The following FAF1 variants were observed in gnomAD, a reference collection of about 807,000 sequenced individuals.
FAF1 encodes the protein FAS-associated factor 1.
In FAF1, 25 loss-of-function variants were observed where a neutral mutation model predicts 92.5. The ratio of observed to expected loss-of-function variants is 0.27; its 90% CI spans 0.20 to 0.38. The LOEUF (loss-of-function observed/expected upper bound fraction) is 0.38, where lower values mean the gene tolerates loss of function less well. Among genes scored for constraint, FAF1 ranks in the 10% least tolerant of loss-of-function variants. The pLI is 1.00. For synonymous variants in FAF1, 234 were observed against 273.2 expected (o/e 0.86, Z 1.42); for missense variants, 636 against 793.3 (o/e 0.80, Z 2.38).
chr1:50,756,021 A>C (rs1194562861), intron 4 of FAF1, among the ~76,000 whole-genome samples: 5 of 152,122 alleles, frequency 3.3e-5, no homozygotes, highest in Non-Finnish European at 7.4e-5. Flanking sequence ...CGCCCTGGAG[A>C]CATTTTCCCC....
intron 8 of FAF1, among the ~76,000 whole-genome samples, chr1:50,654,494 T>G (rs182630433): frequency 6.6e-6 from 1 of 151,976 alleles, no homozygotes; most frequent in Non-Finnish European, 1.5e-5. Flanking sequence ...CAGCAATGAG[T>G]GGAAATGACA....
At chr1:50,780,700 T>A (rs190228752) in intron 4 of FAF1, 1 of 270,410 alleles carries the variant, frequency 3.7e-6, no homozygotes, top group East Asian at 1.1e-4. Flanking sequence ...CTGCCACCTA[T>A]CATCACAGAA....
At chr1:50,596,527 T>C (rs1469956207) in intron 8 of FAF1, among the ~76,000 whole-genome samples, 1 of 152,178 alleles carries the variant, frequency 6.6e-6, no homozygotes, top group Non-Finnish European at 1.5e-5. Context: ...TCTGCTACTT[T>C]TCTGATTAGC....
At chr1:50,913,785 A>C (rs531943912) in intron 1 of FAF1, among the ~76,000 whole-genome samples, 130 of 152,312 alleles carry the variant, frequency 8.5e-4, no homozygotes, top group African/African-American at 3.1e-3. Context: ...TGATGGATGA[A>C]TATCCAAACA....
At chr1:50,441,965 C>G (rs1343172861) in intron 18 of FAF1, among the ~76,000 whole-genome samples, 1 of 151,756 alleles carries the variant, frequency 6.6e-6, no homozygotes, top group African/African-American at 2.4e-5. Flanking sequence ...AATGGCCATT[C>G]CACCATGCCC....
At chr1:50,457,437 T>C (rs1467619308) in intron 18 of FAF1, among the ~76,000 whole-genome samples, 6 of 152,214 alleles carry the variant, frequency 3.9e-5, no homozygotes, top group African/African-American at 7.2e-5. Flanking sequence ...CATACACATT[T>C]GCAGTTGTTT....
intron 6 of FAF1, among the ~76,000 whole-genome samples, chr1:50,722,618 C>T (rs139442663): frequency 0.031 from 4,528 of 146,280 alleles, 246 homozygotes; most frequent in African/African-American, 0.11. Flanking sequence ...CACTGCACTC[C>T]AGCCTGGGCG....
chr1:50,885,324 A>ACACACACACACACACACACACACT (rs1644651416), intron 1 of FAF1, among the ~76,000 whole-genome samples: 81 of 102,224 alleles, frequency 7.9e-4, no homozygotes, highest in African/African-American at 2.8e-3. Flanking sequence ...ACACACACAC[A>ACACACACACACACACACACACACT]CTCTCTCTCT....
chr1:50,699,451 T>C (rs184158376), intron 7 of FAF1, among the ~76,000 whole-genome samples: 46 of 152,214 alleles, frequency 3.0e-4, no homozygotes, highest in African/African-American at 1.1e-3. Flanking sequence ...TTATTAATTA[T>C]ACAACTGCAA....
At chr1:50,608,005 G>A (rs1221693615) in intron 8 of FAF1, among the ~76,000 whole-genome samples, 1 of 152,234 alleles carries the variant, frequency 6.6e-6, no homozygotes, top group African/African-American at 2.4e-5. Context: ...AAGTGGCAGT[G>A]TACAACAGTA....
At chr1:50,881,689 C>T (rs768050829) in intron 1 of FAF1, among the ~76,000 whole-genome samples, 4 of 152,008 alleles carry the variant, frequency 2.6e-5, no homozygotes, top group Admixed American at 6.6e-5. Flanking sequence ...TGTTGTTTTC[C>T]ATATAGCAAA....
chr1:50,614,333 C>T (rs1652809866), intron 8 of FAF1, among the ~76,000 whole-genome samples: 1 of 151,918 alleles, frequency 6.6e-6, no homozygotes, highest in Admixed American at 6.6e-5. Context: ...TTGTTGTGTA[C>T]TACTAAGTCC....
At chr1:50,531,910 A>C (rs1404075549) in intron 15 of FAF1, among the ~76,000 whole-genome samples, 1 of 152,156 alleles carries the variant, frequency 6.6e-6, no homozygotes, top group Non-Finnish European at 1.5e-5. Flanking sequence ...TTTAAAGTTA[A>C]ATTTAAATAA....
intron 3 of FAF1, among the ~76,000 whole-genome samples, chr1:50,795,148 C>T (rs1003068715): frequency 6.6e-6 from 1 of 152,170 alleles, no homozygotes; most frequent in Non-Finnish European, 1.5e-5. Context: ...ACCAAGGCTG[C>T]ATCTAGCTAG....
chr1:50,531,031 TGAG>T (rs1470806621), intron 15 of FAF1, among the ~76,000 whole-genome samples: 1 of 152,184 alleles, frequency 6.6e-6, no homozygotes, highest in African/African-American at 2.4e-5. Flanking sequence ...AAGGCTGCTG[TGAG>T]GTAATAAACG....
intron 1 of FAF1, among the ~76,000 whole-genome samples, chr1:50,883,293 A>T (rs1451105320): frequency 6.6e-6 from 1 of 152,216 alleles, no homozygotes; most frequent in African/African-American, 2.4e-5. Context: ...ATCCATGTTG[A>T]TTCTTTTAAA....
chr1:50,770,205 C>T (rs1660727681), intron 4 of FAF1, among the ~76,000 whole-genome samples: 1 of 152,174 alleles, frequency 6.6e-6, no homozygotes, highest in Non-Finnish European at 1.5e-5. Flanking sequence ...GAAAAGGATG[C>T]CCTCTCTCAC....
chr1:50,577,333 T>C (rs936891156), intron 12 of FAF1, among the ~76,000 whole-genome samples: 3 of 152,190 alleles, frequency 2.0e-5, no homozygotes, highest in African/African-American at 7.2e-5. Context: ...AAGACCAGTC[T>C]GGCCAACATG....
At chr1:50,556,150 C>G (rs1572831080) in intron 13 of FAF1, among the ~76,000 whole-genome samples, 1 of 147,080 alleles carries the variant, frequency 6.8e-6, no homozygotes, top group Non-Finnish European at 1.5e-5. Context: ...AGGCAGGAGA[C>G]TGGCGTGAAC....
Sources: gnomAD v4.1 joint callset for allele counts (sites outside exome capture counted in the v4.1 genomes callset) on GRCh38, gnomAD v4.1.1 for gene constraint, MANE v1.5 for transcripts, NCBI Gene and HGNC (gene_info 2026-07-23, HGNC 2026-07-21) for gene names.